Variants in ERN2 observed in about 807,000 individuals in gnomAD.
ERN2 encodes the protein endoplasmic reticulum to nucleus signaling 2.
Under a neutral mutation model 107.9 loss-of-function variants are expected in ERN2, and 111 were observed. That is an observed-to-expected ratio of 1.03 (90% CI 0.88 to 1.20). ERN2 has a LOEUF of 1.20. Among genes scored for constraint, ERN2 ranks in the 50% most tolerant of loss-of-function variants. The probability of loss-of-function intolerance (pLI) is 0.00; values close to 1 mark genes in which losing one functional copy is unlikely to be tolerated. For synonymous variants in ERN2, 524 were observed against 501.7 expected (o/e 1.04, Z -0.59); for missense variants, 1,225 against 1,197.9 (o/e 1.02, Z -0.33).
chr16:23,707,467 C>G (rs1305591716), intron 4 of ERN2: 4 of 242,928 alleles, frequency 1.6e-5, no homozygotes, highest in African/African-American at 6.9e-5. Flanking sequence ...ATACTCCCAG[C>G]ACATTGGGAG....
chr16:23,696,405 C>T (rs978696244), intron 13 of ERN2, among the ~76,000 whole-genome samples: 7 of 151,542 alleles, frequency 4.6e-5, no homozygotes, highest in African/African-American at 1.7e-4. Context: ...TGCCATTCTG[C>T]CCACCTCCAC....
intron 13 of ERN2, among the ~76,000 whole-genome samples, chr16:23,697,657 G>A (rs114321254): frequency 1.8e-4 from 28 of 152,274 alleles, no homozygotes; most frequent in African/African-American, 6.7e-4. Flanking sequence ...AGATATATGA[G>A]CTGGGGAGGC....
chr16:23,710,076 C>A, intron 4 of ERN2, 96 bp downstream of exon 4: 1 of 821,922 alleles, frequency 1.2e-6, no homozygotes, highest in Non-Finnish European at 2.1e-6. Context: ...CTCTGCAGAA[C>A]AGGAGATACT....
At position 23,700,518 on chromosome 16, in the gene ERN2, G is replaced by T. The variant is rs769575368; in HGVS notation, c.1525+21C>A. 11 of 1,599,542 alleles carry T rather than the reference G, an allele frequency of 6.9e-6. No homozygotes were observed. The African/African-American group carries it at 9.5e-5, about 14-fold the overall frequency. ...GCTTTTCTCTGTTCCTGACTGCCCT[G>T]TCTTGTTCACACAGGCTCACCTTCA... On this transcript the variant is annotated intron_variant, in intron 13 of 21. Transcript: ENST00000256797.
rs1567242322 is a variant in ERN2, at chr16:23,691,357, G to C, written c.2445C>G (p.Gly815=). The part of the protein sequence containing the change: ...EPLVRALEAG[G]CAVVRDNWHE... The stretch of plus-strand genomic sequence containing the variant: ...GCCAGTTGTCCCGGACCACTGCGCA[G>C]CCTCCCGCCTCCAGTGCCCTCACCA... Residue 815 remains glycine, a synonymous_variant, in exon 20 of 22, where the codon GGC becomes GGG. Transcript: ENST00000256797. The C allele has an allele frequency of 6.2e-7, 1 of 1,604,104 alleles. No individual in the cohort carries two copies.
At chr16:23,708,209 C>T (rs1336236347) in intron 4 of ERN2, among the ~76,000 whole-genome samples, 1 of 152,114 alleles carries the variant, frequency 6.6e-6, no homozygotes, top group Non-Finnish European at 1.5e-5. Flanking sequence ...TGTCACAAAC[C>T]AAAGGATACT....
chr16:23,695,168 A>C (rs776251489), intron 15 of ERN2, 32 bp downstream of exon 15: 1 of 1,613,092 alleles, frequency 6.2e-7, no homozygotes, highest in African/African-American at 1.3e-5. Context: ...GGACCTTCCC[A>C]CTCACCCTCC....
rs1319556262 is a variant in ERN2, at chr16:23,691,309, C to T, written c.2493G>A (p.Leu831=). The change falls in exon 20 of 22, where the codon CTG becomes CTA. Residue 831 remains leucine (L), a synonymous_variant. Transcript: ENST00000256797. ...DNWHEHISMP[L]QTDLRKFRSY... ...CCTGAGTATGGCCTCTACCTGTCTG[C>T]AGCGGCATGGAGATGTGCTCGTGCC... 6 of 1,610,900 alleles carry T rather than the reference C, an allele frequency of 3.7e-6. No individual in the cohort carries two copies. The highest frequency in any genetic ancestry group is 1.1e-5 in the South Asian group (1 of 91,080).
chr16:23,711,068 C>T (rs763592206), intron 1 of ERN2, 50 bp from the exon 2 acceptor site: 7 of 1,284,452 alleles, frequency 5.4e-6, no homozygotes, highest in South Asian at 1.2e-5. Context: ...CTGGGACCAC[C>T]CTTTGCTCCT....
intron 6 of ERN2, 135 bp downstream of exon 6, chr16:23,706,619 A>C (rs982006100): frequency 1.2e-5 from 9 of 755,796 alleles, no homozygotes; most frequent in African/African-American, 3.5e-5. Flanking sequence ...CTCCTAGTTC[A>C]GTGCTCTGTA....
intron 4 of ERN2, 185 bp downstream of exon 4, chr16:23,709,987 A>G (rs1960475714): frequency 1.0e-5 from 6 of 585,628 alleles, no homozygotes; most frequent in Non-Finnish European, 1.9e-5. Context: ...CTGCAGACAC[A>G]GCCAGACCTC....
chr16:23,711,366 T>C (rs1018771094), intron 1 of ERN2, among the ~76,000 whole-genome samples: 2 of 152,204 alleles, frequency 1.3e-5, no homozygotes, highest in East Asian at 3.9e-4. Flanking sequence ...GTTCTTGTTG[T>C]TTTAATATAA....
intron 4 of ERN2, chr16:23,709,874 A>G (rs1960469930): frequency 3.8e-6 from 1 of 265,758 alleles, no homozygotes; most frequent in Non-Finnish European, 7.2e-6. Context: ...TTTTGGGTTG[A>G]TTTTTATTTA....
intron 13 of ERN2, among the ~76,000 whole-genome samples, chr16:23,698,571 G>GT (rs1416013331): frequency 3.9e-5 from 6 of 152,030 alleles, no homozygotes; most frequent in African/African-American, 2.4e-5. Flanking sequence ...TTTTGTTTTT[G>GT]TTTTTTGTGG....
Position 23,692,219 on chromosome 16 carries a change from G to C in ERN2, c.2213C>G (p.Ala738Gly), listed in dbSNP as rs140064841. Residue 738 changes from alanine (A) to glycine (G), a missense_variant, in exon 18 of 22, where the codon GCT becomes GGT. Physicochemically the swap from Ala to Gly is moderately conservative, Grantham distance 60. Coordinates refer to ENST00000256797, the MANE Select transcript of ERN2 (RefSeq NM_033266.4). ...LYRQANILTG[A>G]PCLAHLEEEV... ...TTCCTCCAGGTGAGCCAGACAGGGA[G>C]CCCCTGTGAGGATGTTTGCCTGGCG... 6.2e-7 allele frequency: 1 copy of C among 1,614,050 alleles called. No individual in the cohort carries two copies.
intron 11 of ERN2, 38 bp from the exon 12 acceptor site, chr16:23,701,152 C>T: frequency 2.5e-6 from 4 of 1,595,242 alleles, no homozygotes; most frequent in Non-Finnish European, 3.4e-6. Flanking sequence ...GCACCCCCTT[C>T]CACCAGGGAA....
At position 23,692,095 on chromosome 16, in the gene ERN2, A is replaced by T. The variant is rs769112465; in HGVS notation, c.2249-5T>A. ...GGTCCCGGGCAACCACCTTGTCTGG[A>T]GGATGGAAGAGGAGGAGGAGAGTCT... On this transcript the variant is annotated splice_polypyrimidine_tract_variant and splice_region_variant and intron_variant, in intron 18 of 21. Coordinates refer to ENST00000256797, the MANE Select transcript of ERN2 (RefSeq NM_033266.4). The T allele has an allele frequency of 1.6e-5, 26 of 1,613,752 alleles. No individual in the cohort carries two copies. The South Asian group carries it at 2.2e-4, about 14-fold the overall frequency.
chr16:23,691,966 G>C lies in ERN2; in HGVS notation c.2373C>G (p.Phe791Leu), dbSNP rs1430620881. 6.2e-7 allele frequency: 1 copy of C among 1,612,294 alleles called. No homozygotes were observed. The highest frequency in any genetic ancestry group is 8.5e-7 in the Non-Finnish European group (1 of 1,179,416). Residue 791 changes from phenylalanine (F) to leucine (L), a missense_variant, in exon 19 of 22, where the codon TTC (phenylalanine) becomes TTG (leucine). Physicochemically the swap from Phe to Leu is conservative, Grantham distance 22 (BLOSUM62 0). Transcript: ENST00000256797. ...ATTCCCAAGCTTTCCTTCTGACCTG[G>C]AAGAACTGGAGTTGCTTGGCTCTGC... ...FWSRAKQLQF[F>L]QDVSDWLEKE...
intron 4 of ERN2, among the ~76,000 whole-genome samples, chr16:23,708,715 C>T (rs964654589): frequency 1.3e-5 from 2 of 152,008 alleles, no homozygotes; most frequent in Non-Finnish European, 2.9e-5. Context: ...GTGGGTGGCA[C>T]CTCCTCCCTT....
Sources: gnomAD v4.1 joint callset for allele counts (sites outside exome capture counted in the v4.1 genomes callset) on GRCh38, gnomAD v4.1.1 for gene constraint, MANE v1.5 for transcripts, NCBI Gene and HGNC (gene_info 2026-07-23, HGNC 2026-07-21) for gene names.